Variants in DOCK1 observed in about 807,000 individuals in gnomAD.
DOCK1 encodes dedicator of cytokinesis protein 1.
In DOCK1, 138 loss-of-function variants were observed where a neutral mutation model predicts 262.7. That is an observed-to-expected ratio of 0.53 (90% CI 0.46 to 0.61). DOCK1 has a LOEUF of 0.61. DOCK1 is among the 20% of genes least tolerant of loss of function. DOCK1 has a pLI of 0.00. For missense variants in DOCK1, 1,908 were observed against 2,370.7 expected (o/e 0.80, Z 4.05); for synonymous variants, 866 against 867.4 (o/e 1.00, Z 0.03).
At chr10:127,219,399 A>G (rs1199569274) in intron 27 of DOCK1, among the ~76,000 whole-genome samples, 8 of 152,180 alleles carry the variant, frequency 5.3e-5, no homozygotes, top group Non-Finnish European at 8.8e-5. Flanking sequence ...GCTTAGGCCA[A>G]TTAGTCCTTG....
intron 38 of DOCK1, among the ~76,000 whole-genome samples, chr10:127,401,347 CAGA>C (rs770600971): frequency 3.3e-5 from 5 of 152,122 alleles, no homozygotes; most frequent in Non-Finnish European, 5.9e-5. Flanking sequence ...GGGCATAACG[CAGA>C]AGAAGAGACC....
intron 27 of DOCK1, among the ~76,000 whole-genome samples, chr10:127,156,015 T>G (rs1347944566): frequency 6.6e-6 from 1 of 152,182 alleles, no homozygotes; most frequent in East Asian, 1.9e-4. Context: ...GCTAGTCATA[T>G]CCAAATTTTA....
intron 1 of DOCK1, among the ~76,000 whole-genome samples, chr10:126,965,655 G>T (rs1430977194): frequency 6.6e-6 from 1 of 152,146 alleles, no homozygotes; most frequent in Non-Finnish European, 1.5e-5. Context: ...GAAGTGGGCT[G>T]ATGGGCTTAC....
Position 127,195,905 on chromosome 10 carries a change from C to T in DOCK1, c.2848-52103C>T, listed in dbSNP as rs968468700. ...TGGGGCCGAGTGTGTGCGCCCGAAT[C>T]GGGGTCGGCGCCCGTCCCAGCGGTG... On this transcript the variant is annotated intron_variant, in intron 27 of 51. Coordinates refer to ENST00000623213, the MANE Select transcript of DOCK1 (RefSeq NM_001290223.2). 2.0e-5 allele frequency: 3 copies of T among 152,194 alleles called. No individual in the cohort carries two copies. The South Asian group carries it at 6.2e-4, about 31-fold the overall frequency. The allele number at this position is 152,194 out of a possible 1,614,324, so 9.4% of individuals were successfully genotyped here.
At chr10:127,275,708 T>G (rs1042992826) in intron 29 of DOCK1, among the ~76,000 whole-genome samples, 3 of 151,998 alleles carry the variant, frequency 2.0e-5, no homozygotes, top group African/African-American at 4.8e-5. Context: ...GTCAGGTGAT[T>G]TGTTGCAACA....
At chr10:127,333,961 G>A (rs977312834) in intron 29 of DOCK1, among the ~76,000 whole-genome samples, 2 of 152,176 alleles carry the variant, frequency 1.3e-5, no homozygotes, top group Non-Finnish European at 2.9e-5. Flanking sequence ...GAGGCACTGG[G>A]GTTGAGTGCT....
chr10:127,123,019 C>T (rs537221247), intron 25 of DOCK1, among the ~76,000 whole-genome samples: 1 of 152,298 alleles, frequency 6.6e-6, no homozygotes, highest in South Asian at 2.1e-4. Flanking sequence ...GCCTACAGGG[C>T]CAGCTCTGCT....
intron 36 of DOCK1, 125 bp downstream of exon 36, chr10:127,380,247 A>G (rs564545918): frequency 1.3e-6 from 1 of 781,240 alleles, no homozygotes; most frequent in African/African-American, 1.8e-5. Context: ...TGAAACGTAT[A>G]AGGTAGAGTT....
intron 13 of DOCK1, among the ~76,000 whole-genome samples, chr10:127,022,086 G>T (rs181208105): frequency 1.8e-4 from 28 of 152,108 alleles, no homozygotes; most frequent in Admixed American, 1.4e-3. Context: ...ATTACCAGGG[G>T]CTTCCTATGT....
chr10:127,380,157 A>G, intron 36 of DOCK1, 35 bp downstream of exon 36: 2 of 1,365,062 alleles, frequency 1.5e-6, no homozygotes, highest in East Asian at 5.1e-5. Flanking sequence ...CATGTTAATT[A>G]TAAATAATAA....
At chr10:127,034,358 T>A (rs1259084870) in intron 18 of DOCK1, among the ~76,000 whole-genome samples, 2 of 152,012 alleles carry the variant, frequency 1.3e-5, no homozygotes, top group African/African-American at 4.8e-5. Context: ...AACCATCAGA[T>A]CTCATGAGTC....
At chr10:126,947,745 ATGGTGGTG>A (rs2035633669) in intron 1 of DOCK1, among the ~76,000 whole-genome samples, 1 of 36,706 alleles carries the variant, frequency 2.7e-5, no homozygotes, top group Non-Finnish European at 5.8e-5. Context: ...GTTGGTGGTG[ATGGTGGTG>A]GTTGGTAGTA....
chr10:126,983,614 G>A (rs1013461628), intron 4 of DOCK1, among the ~76,000 whole-genome samples: 1 of 152,012 alleles, frequency 6.6e-6, no homozygotes, highest in African/African-American at 2.4e-5. Flanking sequence ...TGCAGGCTCT[G>A]TCTTTCTCTT....
At position 127,119,020 on chromosome 10, in the gene DOCK1, A is replaced by C. The variant is rs561346564; in HGVS notation, c.2624-6454A>C. Among the ~76,000 whole-genome samples, 3 of 148,938 alleles carry C rather than the reference A, an allele frequency of 2.0e-5. No individual in the cohort carries two copies. The East Asian group carries it at 6.0e-4, about 30-fold the overall frequency. On this transcript the variant is annotated intron_variant, in intron 25 of 51. Coordinates refer to ENST00000623213, the MANE Select transcript of DOCK1 (RefSeq NM_001290223.2). ...ACACGTGTACCTGCATGGGTCCTTT[A>C]CTCTGGGGGCTCCAGCTGAGGAATC... is the stretch of plus-strand genomic sequence containing the variant.
intron 31 of DOCK1, among the ~76,000 whole-genome samples, chr10:127,353,400 A>G (rs754563090): frequency 2.0e-5 from 3 of 152,124 alleles, no homozygotes; most frequent in Non-Finnish European, 4.4e-5. Context: ...TTCCTGGGCA[A>G]TTGGGGGGCG....
At chr10:127,261,634 T>TGTGGGTGTGA (rs1373143963) in intron 29 of DOCK1, among the ~76,000 whole-genome samples, 1 of 62,066 alleles carries the variant, frequency 1.6e-5, no homozygotes, top group Non-Finnish European at 3.2e-5. Flanking sequence ...TGTGTGTGCA[T>TGTGGGTGTGA]GTGTACCTGC....
At chr10:127,055,060 A>G (rs761426135) in intron 22 of DOCK1, among the ~76,000 whole-genome samples, 2 of 152,200 alleles carry the variant, frequency 1.3e-5, no homozygotes, top group Non-Finnish European at 2.9e-5. Context: ...TTCATGGTCC[A>G]TAATTTTTTT....
intron 25 of DOCK1, among the ~76,000 whole-genome samples, chr10:127,117,644 ATCG>A (rs1319531522): frequency 1.3e-5 from 2 of 151,834 alleles, no homozygotes; most frequent in East Asian, 3.9e-4. Context: ...AAACTTTATC[ATCG>A]TCTGTTGAGT....
intron 29 of DOCK1, among the ~76,000 whole-genome samples, chr10:127,287,323 A>G (rs927087186): frequency 3.3e-5 from 5 of 151,772 alleles, no homozygotes; most frequent in Admixed American, 1.3e-4. Context: ...CTGAATAGCT[A>G]GGACTATAGG....
Sources: gnomAD v4.1 joint callset for allele counts (sites outside exome capture counted in the v4.1 genomes callset) on GRCh38, gnomAD v4.1.1 for gene constraint, MANE v1.5 for transcripts, NCBI Gene and HGNC (gene_info 2026-07-23, HGNC 2026-07-21) for gene names.